Variants in EPHB2 observed in about 807,000 individuals in gnomAD.
EPHB2 encodes ephrin type-B receptor 2.
EPHB2 carries 18 observed loss-of-function variants against 96.4 expected under a neutral mutation model. That is an observed-to-expected ratio of 0.19 (90% confidence interval 0.13 to 0.28). The LOEUF (loss-of-function observed/expected upper bound fraction) is 0.28, where lower values mean the gene tolerates loss of function less well. Among genes scored for constraint, EPHB2 ranks in the 10% least tolerant of loss-of-function variants. The probability of loss-of-function intolerance (pLI) is 1.00; values close to 1 mark genes in which losing one functional copy is unlikely to be tolerated. For missense variants in EPHB2, 989 were observed against 1,355.4 expected, an observed-to-expected ratio of 0.73 and a Z score of 4.25; for synonymous variants, 506 against 534.1, an observed-to-expected ratio of 0.95 and a Z score of 0.72.
At chr1:22,847,250 C>T (rs1268506715) in intron 3 of EPHB2, among the ~76,000 whole-genome samples, 2 of 152,174 alleles carry the variant, frequency 1.3e-5, no homozygotes, top group Non-Finnish European at 2.9e-5. Flanking sequence ...AACGGAGATG[C>T]AAAGACAGTT....
chr1:22,718,676 C>T (rs1489452510), intron 1 of EPHB2, among the ~76,000 whole-genome samples: 1 of 152,172 alleles, frequency 6.6e-6, no homozygotes, highest in African/African-American at 2.4e-5. Context: ...GTGTGAGCCA[C>T]CGCGCCCAGC....
At position 22,916,102 on chromosome 1, in the gene EPHB2, C is replaced by G. The variant is rs1409070746; in HGVS notation, c.*2532C>G. On this transcript the variant is annotated 3_prime_UTR_variant, in exon 16 of 16. Coordinates refer to ENST00000374630, the MANE Select transcript of EPHB2 (RefSeq NM_017449.5). The surrounding 1 kb of genome is among the most constrained non-coding windows in gnomAD (Gnocchi z 4.2). ...TTCCCACAAACTGGCCGGCAGTGGC[C>G]CACTGGCCTTCACTTTGTGCCCCAA... 1 of 152,286 alleles carries G rather than the reference C, an allele frequency of 6.6e-6. No individual in the cohort carries two copies. The highest frequency in any genetic ancestry group is 1.9e-4 in the East Asian group (1 of 5,198). 9.4% of individuals were successfully genotyped at this position (152,286 alleles called of 1,614,324 possible). A position where few individuals can be genotyped will look rare whatever the true frequency, so the allele number is the denominator to read the frequency against.
intron 3 of EPHB2, among the ~76,000 whole-genome samples, chr1:22,817,219 TATC>T (rs1645087518): frequency 6.6e-6 from 1 of 152,238 alleles, no homozygotes; most frequent in African/African-American, 2.4e-5. Context: ...CCTGTGGCAT[TATC>T]ATCATCATCC....
intron 1 of EPHB2, among the ~76,000 whole-genome samples, chr1:22,767,232 G>A (rs114338702): frequency 2.6e-5 from 4 of 152,222 alleles, no homozygotes; most frequent in Non-Finnish European, 5.9e-5. Context: ...TTGGAGCCCA[G>A]AGAAGGGGCA....
rs72653677 is a variant in EPHB2, at chr1:22,784,455, G to A, written c.190G>A (p.Val64Met). The A allele has an allele frequency of 2.5e-5, 40 of 1,614,192 alleles. No homozygotes were observed. Among genetic ancestry groups the A allele is most frequent in the Admixed American group, 5.0e-5 (3 of 60,034 alleles). The change falls in exon 3 of 16, where the codon GTG (valine) becomes ATG (methionine). Residue 64 changes from valine (V) to methionine (M), a missense_variant. By Grantham distance (21) the Val-to-Met change is conservative. Transcript: ENST00000374630. This position sits in a 1 kb window ranked among gnomAD's most constrained non-coding sequence, Gnocchi z 5.1. ...NTIRTYQVCN[V>M]FESSQNNWLR... ...GATCCGCACGTACCAGGTGTGCAAC[G>A]TGTTTGAGTCAAGCCAGAACAACTG...
At chr1:22,877,987 A>T (rs1039654425) in intron 5 of EPHB2, among the ~76,000 whole-genome samples, 5 of 152,236 alleles carry the variant, frequency 3.3e-5, no homozygotes, top group African/African-American at 1.2e-4. Context: ...TCAAGTTTTA[A>T]AAGTGCTGCA....
At chr1:22,721,183 T>G (rs553677187) in intron 1 of EPHB2, among the ~76,000 whole-genome samples, 1 of 152,140 alleles carries the variant, frequency 6.6e-6, no homozygotes, top group East Asian at 1.9e-4. Flanking sequence ...ATTGTCAAAT[T>G]AAGTTTGGAC....
chr1:22,828,679 C>A (rs1363662574), intron 3 of EPHB2, among the ~76,000 whole-genome samples: 1 of 152,174 alleles, frequency 6.6e-6, no homozygotes, highest in Non-Finnish European at 1.5e-5. Flanking sequence ...GTTAAAATCA[C>A]AGTCAAGCAA....
chr1:22,906,739 C>T lies in EPHB2; in HGVS notation c.1918C>T (p.Leu640=). The T allele has an allele frequency of 6.2e-7, 1 of 1,614,204 alleles. No homozygotes were observed. ...GEFGEVCSGH[L]KLPGKREIFV... ...GTTTGGCGAGGTCTGCAGTGGCCAC[C>T]TGAAGCTGCCAGGCAAGAGAGAGAT... Residue 640 remains leucine, a synonymous_variant, in exon 11 of 16, where the codon CTG becomes TTG. Transcript: ENST00000374630. This position sits in a 1 kb window ranked among gnomAD's most constrained non-coding sequence, Gnocchi z 4.8.
intron 14 of EPHB2, among the ~76,000 whole-genome samples, chr1:22,911,161 A>AATAAATAG (rs1387802300): frequency 1.3e-5 from 2 of 151,440 alleles, no homozygotes; most frequent in African/African-American, 4.8e-5. Context: ...TAAATAAATA[A>AATAAATAG]ATAAATAAAT....
At chr1:22,725,260 A>G (rs1353484761) in intron 1 of EPHB2, among the ~76,000 whole-genome samples, 4 of 152,104 alleles carry the variant, frequency 2.6e-5, no homozygotes, top group South Asian at 4.2e-4. Flanking sequence ...TAGATAAAGG[A>G]TAAGTGCATG....
At chr1:22,829,760 T>G (rs1387626679) in intron 3 of EPHB2, among the ~76,000 whole-genome samples, 1 of 151,768 alleles carries the variant, frequency 6.6e-6, no homozygotes, top group African/African-American at 2.4e-5. Flanking sequence ...TTCCTGGAGG[T>G]GAGGCTGGGT....
At position 22,906,643 on chromosome 1, in the gene EPHB2, G is replaced by A; in HGVS notation, c.1889-67G>A. 1 of 1,560,026 alleles carries A rather than the reference G, an allele frequency of 6.4e-7. No homozygotes were observed. ...GCAGGCCCCGTGAGTGGACATGACA[G>A]GGAACAGGAAGGTGGCCCTTCCACC... On this transcript the variant is annotated intron_variant, in intron 10 of 15. Coordinates refer to ENST00000374630, the MANE Select transcript of EPHB2 (RefSeq NM_017449.5). This position sits in a 1 kb window ranked among gnomAD's most constrained non-coding sequence, Gnocchi z 4.8.
Position 22,893,140 on chromosome 1 carries a change from T to C in EPHB2, c.1591+94T>C, listed in dbSNP as rs80264202. 6.4e-3 allele frequency: 10,257 copies of C among 1,594,492 alleles called. 296 individuals are homozygous for C. In the East Asian group the frequency reaches 0.094, roughly 15 times the overall value. On this transcript the variant is annotated intron_variant, in intron 7 of 15. Transcript: ENST00000374630. ...TTCTCATGAAGCACCTTTGTGCAGA[T>C]TAGAAAAGGCACTCCCTTCTAGATG... is the stretch of plus-strand genomic sequence containing the variant.
At chr1:22,900,596 G>A (rs1211018983) in intron 9 of EPHB2, among the ~76,000 whole-genome samples, 2 of 152,146 alleles carry the variant, frequency 1.3e-5, no homozygotes, top group Admixed American at 6.5e-5. Flanking sequence ...AATGGGATAG[G>A]CTCCCATGCT....
At chr1:22,861,847 G>A (rs1159335639) in intron 3 of EPHB2, among the ~76,000 whole-genome samples, 1 of 152,232 alleles carries the variant, frequency 6.6e-6, no homozygotes. Context: ...CTAATGTCCA[G>A]AGAAGCTGAG....
intron 7 of EPHB2, among the ~76,000 whole-genome samples, chr1:22,894,546 G>A (rs963592621): frequency 4.0e-5 from 6 of 150,758 alleles, no homozygotes; most frequent in Admixed American, 1.3e-4. Flanking sequence ...GCAGTGAGCC[G>A]AGATCGTGCC....
chr1:22,808,953 G>A (rs1644967059), intron 3 of EPHB2, among the ~76,000 whole-genome samples: 1 of 152,226 alleles, frequency 6.6e-6, no homozygotes, highest in African/African-American at 2.4e-5. Flanking sequence ...GCGGGCTGCT[G>A]GGCATCCTGC....
intron 1 of EPHB2, among the ~76,000 whole-genome samples, chr1:22,744,173 AC>A (rs11287437): frequency 0.96 from 146,461 of 151,794 alleles, 70,766 homozygotes; most frequent in Middle Eastern, 1. Context: ...CAGTCATATA[AC>A]CCCCCCACCC....
Sources: allele counts gnomAD v4.1 joint callset (sites outside exome capture counted in the v4.1 genomes callset), GRCh38; gene constraint gnomAD v4.1.1; non-coding constraint Gnocchi (gnomAD v3.1); transcripts MANE v1.5; gene names NCBI Gene and HGNC (gene_info 2026-07-23, HGNC 2026-07-21).